The following ARMC2 variants were observed in gnomAD, a reference collection of about 807,000 sequenced individuals.
ARMC2 encodes armadillo repeat containing 2.
ARMC2 carries 67 observed loss-of-function variants against 90.3 expected under a neutral mutation model. The ratio of observed to expected loss-of-function variants is 0.74; its 90% CI spans 0.61 to 0.91. The LOEUF (loss-of-function observed/expected upper bound fraction) is 0.91, where lower values mean the gene tolerates loss of function less well. ARMC2 is among the 40% of genes least tolerant of loss of function. The pLI, the probability that ARMC2 is intolerant of heterozygous loss-of-function variation, is 0.00. For synonymous variants in ARMC2, 393 were observed against 393.0 expected (o/e 1.00, Z 0.00); for missense variants, 920 against 1,030.9 (o/e 0.89, Z 1.47).
intron 12 of ARMC2, among the ~76,000 whole-genome samples, chr6:108,940,566 T>C (rs1477700748): frequency 6.6e-6 from 1 of 152,170 alleles, no homozygotes; most frequent in South Asian, 2.1e-4. Flanking sequence ...TTACCTGCTC[T>C]TTACTGTACA....
At chr6:109,018,054 T>C in the ARMC2 span, among the ~76,000 whole-genome samples, 6 of 152,274 alleles carry the variant, frequency 3.9e-5, no homozygotes, top group South Asian at 1.2e-3. Flanking sequence ...AATTCCTGAT[T>C]TTATCCAGAG....
the ARMC2 span, chr6:109,001,236 AAG>A: frequency 6.8e-7 from 1 of 1,470,042 alleles, no homozygotes; most frequent in Non-Finnish European, 9.5e-7. Context: ...CTGTCTCTTA[AAG>A]AGATTAATAA....
At chr6:109,019,883 T>C in the ARMC2 span, among the ~76,000 whole-genome samples, 1 of 152,234 alleles carries the variant, frequency 6.6e-6, no homozygotes, top group South Asian at 2.1e-4. Context: ...TACTTTAGTT[T>C]GTAGATCATA....
chr6:109,022,029 G>A, the ARMC2 span, among the ~76,000 whole-genome samples: 1 of 151,746 alleles, frequency 6.6e-6, no homozygotes. Context: ...TGTTAATTAA[G>A]CACCTACTAT....
At position 108,953,024 on chromosome 6, in the gene ARMC2, T is replaced by G; in HGVS notation, c.1597-9T>G. 1.3e-6 allele frequency: 2 copies of G among 1,598,302 alleles called. No homozygotes were observed. Among genetic ancestry groups the G allele is most frequent in the South Asian group, 1.1e-5 (1 of 89,026 alleles). ...TTGCACTTTTGACTCTGTCTTTCGT[T>G]TATTGCAGGATTTAGTCGTCCGTGT... On this transcript the variant is annotated splice_polypyrimidine_tract_variant and intron_variant, in intron 12 of 17. Coordinates refer to ENST00000392644, the MANE Select transcript of ARMC2 (RefSeq NM_032131.6).
At chr6:109,001,212 G>C in the ARMC2 span, 2 of 1,227,826 alleles carry the variant, frequency 1.6e-6, no homozygotes, top group Non-Finnish European at 2.3e-6. Context: ...TTATCCCTGT[G>C]TTTAAAGCAT....
intron 5 of ARMC2, 28 bp from the exon 6 acceptor site, chr6:108,894,439 C>A: frequency 6.3e-7 from 1 of 1,577,432 alleles, no homozygotes; most frequent in South Asian, 1.1e-5. Context: ...TTCATGTTTG[C>A]GCTGAGTGTT....
intron 5 of ARMC2, among the ~76,000 whole-genome samples, chr6:108,882,465 C>G (rs894888502): frequency 1.3e-5 from 2 of 149,216 alleles, no homozygotes; most frequent in African/African-American, 4.9e-5. Flanking sequence ...GAAAAAAGCA[C>G]TGTTCTTTGG....
chr6:109,007,771 T>C, the ARMC2 span, among the ~76,000 whole-genome samples: 1 of 147,182 alleles, frequency 6.8e-6, no homozygotes, highest in Non-Finnish European at 1.5e-5. Context: ...TCAGAAATAC[T>C]GAAAGTCCAG....
chr6:109,005,043 T>C, the ARMC2 span, among the ~76,000 whole-genome samples: 6 of 152,214 alleles, frequency 3.9e-5, no homozygotes, highest in Admixed American at 2.6e-4. Context: ...AAAAGTCCCA[T>C]AGCCTTTGAA....
intron 12 of ARMC2, among the ~76,000 whole-genome samples, chr6:108,942,660 G>A (rs1200406705): frequency 6.6e-6 from 1 of 152,058 alleles, no homozygotes; most frequent in Non-Finnish European, 1.5e-5. Context: ...GGGTTGTAGA[G>A]AAATACTCTG....
the ARMC2 span, among the ~76,000 whole-genome samples, chr6:109,020,302 T>C: frequency 6.6e-6 from 1 of 152,360 alleles, no homozygotes; most frequent in African/African-American, 2.4e-5. Flanking sequence ...CAAAATAGAT[T>C]AGATTTTAGT....
In ARMC2 at chr6:108,894,462, C is replaced by T. The variant is rs112110455; in HGVS notation, c.672-5C>T. 1,335 of 1,607,662 alleles carry T rather than the reference C, an allele frequency of 8.3e-4. 1 individual carries two copies. The highest frequency in any genetic ancestry group is 1.0e-3 in the Non-Finnish European group (1,194 of 1,177,698). On this transcript the variant is annotated splice_region_variant and splice_polypyrimidine_tract_variant and intron_variant, in intron 5 of 17. Transcript: ENST00000392644. Reference sequence around the variant, plus strand: ...TGCGCTGAGTGTTTTATGTATTCCTCCTAGGGACCAGGGGAAGAGACATGC... The same window carrying T: ...TGCGCTGAGTGTTTTATGTATTCCTTCTAGGGACCAGGGGAAGAGACATGC...
At chr6:108,894,852 C>G (rs1313288079) in intron 6 of ARMC2, among the ~76,000 whole-genome samples, 1 of 149,334 alleles carries the variant, frequency 6.7e-6, no homozygotes, top group African/African-American at 2.5e-5. Flanking sequence ...CTGCAAGCTC[C>G]ACCTCCCAGG....
chr6:108,890,367 C>T (rs562321349), intron 5 of ARMC2, among the ~76,000 whole-genome samples: 10 of 152,084 alleles, frequency 6.6e-5, no homozygotes, highest in African/African-American at 1.9e-4. Context: ...GAAAATTAAT[C>T]TGTTTATTAA....
At chr6:108,955,218 C>CTGG (rs1777488670) in intron 13 of ARMC2, among the ~76,000 whole-genome samples, 1 of 152,074 alleles carries the variant, frequency 6.6e-6, no homozygotes, top group Middle Eastern at 3.2e-3. Flanking sequence ...AAAATGGAGG[C>CTGG]TGGTATGTGC....
chr6:108,862,342 CA>C (rs71551359), intron 3 of ARMC2, among the ~76,000 whole-genome samples: 17 of 36,606 alleles, frequency 4.6e-4, no homozygotes, highest in East Asian at 2.5e-3. Context: ...AGACTCATCT[CA>C]AAAAAAAAAA....
At chr6:108,863,167 CAG>C (rs1332291439) in intron 3 of ARMC2, among the ~76,000 whole-genome samples, 4 of 152,142 alleles carry the variant, frequency 2.6e-5, no homozygotes, top group Admixed American at 6.5e-5. Context: ...TTTTCTGAGA[CAG>C]AGTCTCGCTC....
At chr6:108,994,743 C>G in the ARMC2 span, 2 of 760,684 alleles carry the variant, frequency 2.6e-6, no homozygotes, top group South Asian at 2.5e-5. Flanking sequence ...TGCTCTGTTG[C>G]CCAGGCTGCA....
Sources: gnomAD v4.1 joint callset for allele counts (sites outside exome capture counted in the v4.1 genomes callset) on GRCh38, gnomAD v4.1.1 for gene constraint, MANE v1.5 for transcripts, NCBI Gene and HGNC (gene_info 2026-07-23, HGNC 2026-07-21) for gene names.